Variants in LOC128092253 observed in about 807,000 individuals in gnomAD.
the LOC128092253 span, among the ~76,000 whole-genome samples, chr6:133,977,098 C>A: frequency 6.6e-6 from 1 of 152,076 alleles, no homozygotes; most frequent in Non-Finnish European, 1.5e-5. Context: ...ATATCCAGTT[C>A]TGTGCTCTCG....
At chr6:133,967,091 A>C in the LOC128092253 span, among the ~76,000 whole-genome samples, 1 of 152,164 alleles carries the variant, frequency 6.6e-6, no homozygotes, top group Admixed American at 6.5e-5. Context: ...TTCTCACCGT[A>C]GCCATGCTGA....
the LOC128092253 span, among the ~76,000 whole-genome samples, chr6:133,961,465 C>CTTTTTT: frequency 7.0e-5 from 7 of 100,204 alleles, no homozygotes; most frequent in East Asian, 2.6e-4. Context: ...TTCTTTCTTT[C>CTTTTTT]TTTTTTTTTT....
the LOC128092253 span, among the ~76,000 whole-genome samples, chr6:133,964,080 T>C: frequency 1.3e-5 from 2 of 152,050 alleles, no homozygotes; most frequent in African/African-American, 4.8e-5. Flanking sequence ...AACTTCCTTA[T>C]CACTCTTGTG....
At chr6:133,977,257 T>C in the LOC128092253 span, among the ~76,000 whole-genome samples, 13 of 152,328 alleles carry the variant, frequency 8.5e-5, no homozygotes, top group Admixed American at 2.6e-4. Context: ...CAATCTTTTC[T>C]GAGCCTGCTT....
At chr6:133,971,431 G>C in the LOC128092253 span, among the ~76,000 whole-genome samples, 5 of 152,282 alleles carry the variant, frequency 3.3e-5, no homozygotes, top group East Asian at 9.6e-4. Flanking sequence ...TATGTATTCA[G>C]CAGTGGGATT....
chr6:133,956,488 C>T, the LOC128092253 span, among the ~76,000 whole-genome samples: 3 of 152,190 alleles, frequency 2.0e-5, no homozygotes, highest in Non-Finnish European at 4.4e-5. Context: ...CTGCCTGGTA[C>T]TGTCACTATT....
chr6:133,976,924 C>T, the LOC128092253 span, among the ~76,000 whole-genome samples: 3 of 149,092 alleles, frequency 2.0e-5, no homozygotes, highest in Non-Finnish European at 4.4e-5. Flanking sequence ...GCCAAGATCG[C>T]GTCACAGCCC....
chr6:133,953,904 G>A, the LOC128092253 span, among the ~76,000 whole-genome samples: 1 of 152,090 alleles, frequency 6.6e-6, no homozygotes, highest in Admixed American at 6.6e-5. Flanking sequence ...GGCTTCGTCG[G>A]TTTCTGATTC....
the LOC128092253 span, chr6:133,968,879 T>G: frequency 4.6e-5 from 7 of 152,168 alleles, no homozygotes; most frequent in African/African-American, 1.4e-4. Context: ...CAGGCTGGTC[T>G]CCAACTCCTG....
At chr6:133,960,044 C>G in the LOC128092253 span, among the ~76,000 whole-genome samples, 5 of 152,142 alleles carry the variant, frequency 3.3e-5, no homozygotes, top group Non-Finnish European at 7.4e-5. Flanking sequence ...TTCCTCTCAC[C>G]TACTTATGGC....
chr6:133,969,991 A>G, the LOC128092253 span, among the ~76,000 whole-genome samples: 4 of 152,208 alleles, frequency 2.6e-5, no homozygotes, highest in African/African-American at 9.6e-5. Flanking sequence ...GTCTAGTCTC[A>G]TCTTTCACCT....
chr6:133,973,041 A>G, the LOC128092253 span, among the ~76,000 whole-genome samples: 3 of 152,216 alleles, frequency 2.0e-5, no homozygotes, highest in East Asian at 1.9e-4. Context: ...ACGAAAGAAC[A>G]TCGTTCTAAA....
the LOC128092253 span, among the ~76,000 whole-genome samples, chr6:133,954,410 A>T: frequency 3.3e-5 from 5 of 152,268 alleles, no homozygotes; most frequent in South Asian, 6.2e-4. Context: ...ATAATTTCGC[A>T]GTCTCTTTGA....
At chr6:133,959,763 G>A in the LOC128092253 span, among the ~76,000 whole-genome samples, 3 of 152,146 alleles carry the variant, frequency 2.0e-5, no homozygotes, top group South Asian at 2.1e-4. Flanking sequence ...AATTACAGGC[G>A]TGAGCCATTG....
the LOC128092253 span, among the ~76,000 whole-genome samples, chr6:133,979,891 A>G: frequency 6.6e-6 from 1 of 151,918 alleles, no homozygotes; most frequent in South Asian, 2.1e-4. Context: ...AGATGATCCA[A>G]CCACCTTGGC....
chr6:133,965,323 A>G, the LOC128092253 span, among the ~76,000 whole-genome samples: 1 of 152,224 alleles, frequency 6.6e-6, no homozygotes, highest in Non-Finnish European at 1.5e-5. Context: ...CCTGCTCAAG[A>G]AAACAAATAC....
chr6:133,964,128 A>G, the LOC128092253 span, among the ~76,000 whole-genome samples: 1 of 152,118 alleles, frequency 6.6e-6, no homozygotes, highest in Admixed American at 6.5e-5. Flanking sequence ...CTTGTATATT[A>G]TCATTAAATT....
At chr6:133,960,141 G>C in the LOC128092253 span, among the ~76,000 whole-genome samples, 1 of 152,150 alleles carries the variant, frequency 6.6e-6, no homozygotes, top group Non-Finnish European at 1.5e-5. Flanking sequence ...ATTGCTTGTG[G>C]GTTGACCTCC....
At chr6:133,968,147 C>T in the LOC128092253 span, among the ~76,000 whole-genome samples, 1 of 151,904 alleles carries the variant, frequency 6.6e-6, no homozygotes, top group Admixed American at 6.6e-5. Flanking sequence ...TGCCACCACG[C>T]CCAGCTAATT....
Sources: gnomAD v4.1 joint callset for allele counts (sites outside exome capture counted in the v4.1 genomes callset) on GRCh38, gnomAD v4.1.1 for gene constraint, MANE v1.5 for transcripts.